The following THEM4 variants were observed in gnomAD, a reference collection of about 807,000 sequenced individuals.
THEM4 encodes the protein acyl-coenzyme A thioesterase THEM4.
THEM4 carries 22 observed loss-of-function variants against 25.0 expected under a neutral mutation model. The observed-to-expected ratio is 0.88, with a 90% CI of 0.63 to 1.26. The LOEUF is 1.26. Among genes scored for constraint, THEM4 ranks in the 50% most tolerant of loss-of-function variants. THEM4 has a pLI of 0.00. For synonymous variants in THEM4, 113 were observed against 105.6 expected (o/e 1.07, Z -0.43); for missense variants, 286 against 300.3 (o/e 0.95, Z 0.35).
At position 151,872,053 on chromosome 1, in the gene THEM4, T is replaced by C. The variant is rs1220048331; in HGVS notation, c.*2835A>G. 6.6e-6 allele frequency among the ~76,000 whole-genome samples: 1 copy of C among 152,236 alleles called. No homozygotes were observed. The highest frequency in any genetic ancestry group is 1.5e-5 in the Non-Finnish European group (1 of 68,032). On this transcript the variant is annotated 3_prime_UTR_variant, in exon 6 of 6. Coordinates refer to ENST00000368814, the MANE Select transcript of THEM4 (RefSeq NM_053055.5). ...TGGCCATTGCCAGACCTGTAACTTG[T>C]AGAGCTGTGAGCCCAGCCATCTCCT...
chr1:151,903,146 T>TA lies in THEM4; in HGVS notation c.99+6213_99+6214insT, dbSNP rs1031925702. On this transcript the variant is annotated intron_variant, in intron 1 of 5. Coordinates refer to ENST00000368814, the MANE Select transcript of THEM4 (RefSeq NM_053055.5). ...TGTAATCTTTTTCCATATATATATATTTTTTAATTGGTTCATCCTTCCAGA... is the reference window on the plus strand; with the variant it reads ...TGTAATCTTTTTCCATATATATATATATTTTTAATTGGTTCATCCTTCCAGA... 3.9e-4 allele frequency among the ~76,000 whole-genome samples: 60 copies of TA among 152,272 alleles called. 2 individuals carry two copies. Among genetic ancestry groups the TA allele is most frequent in the South Asian group, 1.9e-3 (9 of 4,830 alleles).
rs1452048786 is a variant in THEM4 at position 151,909,406 on chromosome 1, G to A, written c.53C>T (p.Pro18Leu). The A allele has an allele frequency of 5.3e-6, 8 of 1,504,012 alleles. No individual in the cohort carries two copies. Among genetic ancestry groups the A allele is most frequent in the Non-Finnish European group, 7.1e-6 (8 of 1,133,206 alleles). The allele number at this position is 1,504,012 out of a possible 1,614,324, so 93.2% of individuals were successfully genotyped here. Residue 18 changes from proline to leucine, a missense_variant, in exon 1 of 6, where the codon CCG becomes CTG. Transcript: ENST00000368814. ...RLRTLGALCL[P>L]PVGRRLPGSE... The stretch of plus-strand genomic sequence containing the variant: ...TCCCGGCAGGCGCCGGCCTACTGGC[G>A]GCAGGCACAGAGCCCCCAGCGTGCG...
chr1:151,873,215 AAC>A lies in THEM4; in HGVS notation c.*1671_*1672del, dbSNP rs1653594388. 6.6e-6 allele frequency among the ~76,000 whole-genome samples: 1 copy of A among 152,244 alleles called. No homozygotes were observed. Among genetic ancestry groups the A allele is most frequent in the East Asian group, 1.9e-4 (1 of 5,180 alleles). The stretch of plus-strand genomic sequence containing the variant: ...AGTACCTTCCCTTGAACTTATTTGT[AAC>A]ACAGATTCCTTTGCTCACAGATTTT... On this transcript the variant is annotated 3_prime_UTR_variant, in exon 6 of 6. Transcript: ENST00000368814.
chr1:151,885,126 TATTTATTTTTC>T (rs1653938715), intron 4 of THEM4, among the ~76,000 whole-genome samples: 2 of 111,510 alleles, frequency 1.8e-5, no homozygotes, highest in Admixed American at 1.0e-4. Flanking sequence ...TTTATTTATT[TATTTATTTTTC>T]TGATGGAGTA....
intron 2 of THEM4, among the ~76,000 whole-genome samples, chr1:151,894,110 G>A (rs766481760): frequency 3.3e-5 from 5 of 152,154 alleles, no homozygotes; most frequent in South Asian, 2.1e-4. Context: ...TGATCCGCCC[G>A]CTTCAGTCTC....
intron 1 of THEM4, among the ~76,000 whole-genome samples, chr1:151,902,071 C>A (rs1654365336): frequency 6.6e-6 from 1 of 152,288 alleles, no homozygotes; most frequent in African/African-American, 2.4e-5. Flanking sequence ...GACAAAACCA[C>A]AATGCGATAC....
intron 1 of THEM4, among the ~76,000 whole-genome samples, chr1:151,903,686 G>C (rs896571061): frequency 1.3e-5 from 2 of 152,208 alleles, no homozygotes; most frequent in African/African-American, 4.8e-5. Context: ...TGTCAACTGA[G>C]AGGCAGAATA....
intron 1 of THEM4, among the ~76,000 whole-genome samples, chr1:151,905,971 C>T (rs566975555): frequency 6.6e-6 from 1 of 152,364 alleles, no homozygotes; most frequent in South Asian, 2.1e-4. Flanking sequence ...TGACAGTGTG[C>T]TGGAAGTCCT....
In THEM4 at chr1:151,877,018, A is replaced by G. The variant is rs751031753; in HGVS notation, c.665T>C (p.Leu222Pro). The G allele has an allele frequency of 6.2e-7, 1 of 1,612,592 alleles. No individual in the cohort carries two copies. Among genetic ancestry groups the G allele is most frequent in the South Asian group, 1.1e-5 (1 of 90,604 alleles). The stretch of plus-strand genomic sequence containing the variant: ...CTTCTTACTTGTCGCCTCTGAGTAT[A>G]GGGTCTTCTCATCAACACTCTGAAC... ...CNVQSVDEKT[L>P]YSEATSLFIK... The change falls in exon 5 of 6, where the codon CTA becomes CCA. Residue 222 changes from leucine (L) to proline (P), a missense_variant. Leu to Pro is a moderately conservative substitution (Grantham distance 98). Transcript: ENST00000368814.
intron 2 of THEM4, chr1:151,891,349 A>G (rs1239136226): frequency 6.6e-6 from 1 of 152,218 alleles, no homozygotes; most frequent in Non-Finnish European, 1.5e-5. Flanking sequence ...GAGACAGGAG[A>G]TGAAACTACA....
rs1654556546 is a variant in THEM4 at position 151,909,494 on chromosome 1, T to C, written c.-36A>G. 4 of 1,341,224 alleles carry C rather than the reference T, an allele frequency of 3.0e-6. No individual in the cohort carries two copies. Among genetic ancestry groups the C allele is most frequent in the Non-Finnish European group, 3.8e-6 (4 of 1,049,266 alleles). 83.1% of individuals were successfully genotyped at this position (1,341,224 alleles called of 1,614,324 possible). On this transcript the variant is annotated 5_prime_UTR_variant, in exon 1 of 6. Coordinates refer to ENST00000368814, the MANE Select transcript of THEM4 (RefSeq NM_053055.5). ...CGCGGGGCCGCGCTTGCTCTAGCCC[T>C]GGACGGCGCACTCTACCTCCGCCAC...
rs1325560840 is a variant in THEM4, at chr1:151,874,860, G to T, written c.*28C>A. On this transcript the variant is annotated 3_prime_UTR_variant, in exon 6 of 6. Coordinates refer to ENST00000368814, the MANE Select transcript of THEM4 (RefSeq NM_053055.5). The stretch of plus-strand genomic sequence containing the variant: ...ACAACTGCTTCTTCTGGAGGGGCGA[G>T]AATGAGATGGAGTTCACCAGCAGCT... 1 of 1,610,374 alleles carries T rather than the reference G, an allele frequency of 6.2e-7. No individual in the cohort carries two copies.
chr1:151,895,739 T>C (rs1654208604), intron 1 of THEM4, among the ~76,000 whole-genome samples: 1 of 151,046 alleles, frequency 6.6e-6, no homozygotes, highest in Non-Finnish European at 1.5e-5. Flanking sequence ...TCAAATCTCA[T>C]ATTGAAATGT....
chr1:151,909,212 C>G, intron 1 of THEM4, 148 bp downstream of exon 1: 1 of 592,832 alleles, frequency 1.7e-6, no homozygotes, highest in Non-Finnish European at 2.8e-6. Flanking sequence ...TCCTAGGCCC[C>G]TGTTGCTTAT....
At chr1:151,889,425 C>G (rs761268153) in intron 2 of THEM4, 52 bp from the exon 3 acceptor site, 1 of 1,577,110 alleles carries the variant, frequency 6.3e-7, no homozygotes, top group Non-Finnish European at 8.7e-7. Context: ...AGAGAAATGC[C>G]ATGGCAGAGC....
At chr1:151,877,308 T>C (rs1031598936) in intron 4 of THEM4, among the ~76,000 whole-genome samples, 183 bp from the exon 5 acceptor site, 6 of 152,074 alleles carry the variant, frequency 3.9e-5, no homozygotes, top group Non-Finnish European at 1.5e-5. Flanking sequence ...GCTCCCCCTC[T>C]CCCAAGCACC....
intron 4 of THEM4, among the ~76,000 whole-genome samples, chr1:151,887,449 TA>T (rs1429610340): frequency 6.7e-6 from 1 of 149,802 alleles, no homozygotes; most frequent in East Asian, 1.9e-4. Context: ...ATAATAATAA[TA>T]AAAAAATTAA....
chr1:151,878,424 G>T (rs1480369614), intron 4 of THEM4, among the ~76,000 whole-genome samples: 1 of 152,240 alleles, frequency 6.6e-6, no homozygotes, highest in East Asian at 1.9e-4. Flanking sequence ...AAGCCTGGCT[G>T]GCCTGGCTGG....
rs1572070171 is a variant in THEM4, at chr1:151,873,792, C to G, written c.*1096G>C. ...AAGATGGAGGACTGGAATGATGCAT[C>G]TAGAAGCCAAGGAACACCTGAGGCT... On this transcript the variant is annotated 3_prime_UTR_variant, in exon 6 of 6. Transcript: ENST00000368814. 6.6e-6 allele frequency: 1 copy of G among 152,394 alleles called. No individual in the cohort carries two copies. The highest frequency in any genetic ancestry group is 1.9e-4 in the East Asian group (1 of 5,184). The allele number at this position is 152,394 out of a possible 1,614,324, so 9.4% of individuals were successfully genotyped here.
Sources: gnomAD v4.1 joint callset for allele counts (sites outside exome capture counted in the v4.1 genomes callset) on GRCh38, gnomAD v4.1.1 for gene constraint, MANE v1.5 for transcripts, NCBI Gene and HGNC (gene_info 2026-07-23, HGNC 2026-07-21) for gene names.